Variants in DCLK1 observed in about 807,000 individuals in gnomAD.
DCLK1 encodes the protein serine/threonine-protein kinase DCLK1.
DCLK1 carries 16 observed loss-of-function variants against 86.2 expected under a neutral mutation model. The observed-to-expected ratio is 0.19, with a 90% confidence interval of 0.13 to 0.28. The LOEUF (loss-of-function observed/expected upper bound fraction) is 0.28, where lower values mean the gene tolerates loss of function less well. DCLK1 is among the 10% of genes least tolerant of loss of function. The pLI is 1.00. For missense variants in DCLK1, 590 were observed against 940.2 expected (o/e 0.63, Z 4.87); for synonymous variants, 369 against 370.5 (o/e 1.00, Z 0.05).
chr13:35,907,470 C>T (rs1874752027), intron 4 of DCLK1, among the ~76,000 whole-genome samples: 1 of 152,156 alleles, frequency 6.6e-6, no homozygotes, highest in South Asian at 2.1e-4. Flanking sequence ...GCCCACATTT[C>T]TCTTTATAAT....
At chr13:35,992,280 T>C (rs1358205410) in intron 3 of DCLK1, among the ~76,000 whole-genome samples, 1 of 152,198 alleles carries the variant, frequency 6.6e-6, no homozygotes, top group Non-Finnish European at 1.5e-5. Flanking sequence ...TGGGAAAACA[T>C]GCAAGGATTT....
chr13:35,909,455 T>G (rs1243154921), intron 4 of DCLK1, among the ~76,000 whole-genome samples: 1 of 152,192 alleles, frequency 6.6e-6, no homozygotes, highest in African/African-American at 2.4e-5. Context: ...ACTTTGCCTC[T>G]CTAAGACTTC....
chr13:36,000,528 A>T (rs2153145722), intron 3 of DCLK1, among the ~76,000 whole-genome samples: 1 of 152,040 alleles, frequency 6.6e-6, no homozygotes, highest in South Asian at 2.1e-4. Context: ...ATCTAAAATA[A>T]TATTATTAAA....
At chr13:35,912,796 T>A (rs1875124933) in intron 4 of DCLK1, among the ~76,000 whole-genome samples, 1 of 152,102 alleles carries the variant, frequency 6.6e-6, no homozygotes, top group African/African-American at 2.4e-5. Context: ...TGTCCCACAC[T>A]ATGAGGCAAG....
chr13:36,100,204 AAAAAAAAAAC>A lies in DCLK1; in HGVS notation c.723+11655_723+11664del, dbSNP rs1376716214. Among the ~76,000 whole-genome samples the A allele has an allele frequency of 1.1e-3, 105 of 95,250 alleles. 5 individuals carry two copies. The highest frequency in any genetic ancestry group is 0.011 in the East Asian group (19 of 1,736). 62.5% of individuals were successfully genotyped at this position (95,250 alleles called of 152,430 possible). A position where few individuals can be genotyped will look rare whatever the true frequency, so the allele number is the denominator to read the frequency against. ...CAAAAAAAAAAAAAAAAAAAAAAAA[AAAAAAAAAAC>A]CACACACACACAAAATTAGCCAGGC... On this transcript the variant is annotated intron_variant, in intron 3 of 16. Coordinates refer to ENST00000360631, the MANE Select transcript of DCLK1 (RefSeq NM_001330071.2).
At chr13:36,131,406 CT>C, upstream of DCLK1, 2 of 194,220 alleles carry the variant, frequency 1.0e-5, no homozygotes, top group Non-Finnish European at 2.1e-5. Flanking sequence ...GGCGCGCTCC[CT>C]TTTCTTGTCT....
intron 5 of DCLK1, among the ~76,000 whole-genome samples, chr13:35,866,943 A>C (rs1318366690): frequency 6.6e-6 from 1 of 152,178 alleles, no homozygotes. Context: ...AGAGCAGTGG[A>C]GGGGCCCTGA....
At chr13:36,031,790 C>T (rs1286419929) in intron 3 of DCLK1, among the ~76,000 whole-genome samples, 3 of 152,222 alleles carry the variant, frequency 2.0e-5, no homozygotes, top group Non-Finnish European at 4.4e-5. Context: ...GCGTGGCTGT[C>T]ATGTCAGCGC....
intron 3 of DCLK1, among the ~76,000 whole-genome samples, chr13:36,025,036 C>T (rs1468696259): frequency 6.7e-6 from 1 of 150,190 alleles, no homozygotes; most frequent in African/African-American, 2.5e-5. Flanking sequence ...GGCACGATCT[C>T]GGCTCACTGC....
Position 35,906,957 on chromosome 13 carries a change from T to C in DCLK1, c.824-35617A>G, listed in dbSNP as rs568783282. 3.9e-5 allele frequency among the ~76,000 whole-genome samples: 6 copies of C among 152,248 alleles called. No homozygotes were observed. In the South Asian group the frequency reaches 6.2e-4, roughly 16 times the overall value. ...AGCATCTGCTCCAAGAATTGACTTTTCTGCAAGCCCAGCTGCTAAAATGGC... is the reference window on the plus strand; with the variant it reads ...AGCATCTGCTCCAAGAATTGACTTTCCTGCAAGCCCAGCTGCTAAAATGGC... On this transcript the variant is annotated intron_variant, in intron 4 of 16. Transcript: ENST00000360631.
intron 6 of DCLK1, chr13:35,846,906 C>T (rs1454283706): frequency 1.0e-6 from 1 of 985,262 alleles, no homozygotes; most frequent in South Asian, 4.7e-5. Flanking sequence ...AAAGAACATA[C>T]AGAATCGCCT....
intron 4 of DCLK1, among the ~76,000 whole-genome samples, chr13:35,904,712 G>A (rs1306212022): frequency 2.0e-5 from 3 of 152,186 alleles, no homozygotes; most frequent in Non-Finnish European, 4.4e-5. Context: ...TGGGCTAGCT[G>A]GTACAGTGAA....
intron 6 of DCLK1, chr13:35,847,597 G>C: frequency 1.2e-6 from 1 of 857,342 alleles, no homozygotes; most frequent in Non-Finnish European, 1.3e-6. Flanking sequence ...AATCTGACTT[G>C]CACACTTCAT....
chr13:35,887,240 A>C (rs1212256102), intron 4 of DCLK1, among the ~76,000 whole-genome samples: 1 of 152,220 alleles, frequency 6.6e-6, no homozygotes, highest in East Asian at 1.9e-4. Flanking sequence ...TTGAGTGGGC[A>C]GGGAGGTGAG....
At chr13:36,070,840 A>G (rs1398493254) in intron 3 of DCLK1, among the ~76,000 whole-genome samples, 2 of 152,120 alleles carry the variant, frequency 1.3e-5, no homozygotes, top group East Asian at 3.9e-4. Context: ...ACGGGGTTTC[A>G]CTATGTTGGC....
chr13:36,073,259 G>GC (rs1884045926), intron 3 of DCLK1, among the ~76,000 whole-genome samples: 2 of 152,234 alleles, frequency 1.3e-5, no homozygotes, highest in African/African-American at 4.8e-5. Context: ...CCTACGTCCA[G>GC]CCCCAGACAA....
intron 3 of DCLK1, among the ~76,000 whole-genome samples, chr13:35,985,747 CT>C (rs1379269492): frequency 1.3e-5 from 2 of 152,176 alleles, no homozygotes; most frequent in African/African-American, 4.8e-5. Context: ...GCCCTTTTTC[CT>C]TTGCTTTCCA....
chr13:35,849,721 C>CA (rs1209838596), intron 6 of DCLK1: 2 of 984,902 alleles, frequency 2.0e-6, no homozygotes, highest in African/African-American at 1.7e-5. Flanking sequence ...TGAAAATTTC[C>CA]AAAACACCAG....
At chr13:35,996,015 G>A (rs749482777) in intron 3 of DCLK1, among the ~76,000 whole-genome samples, 19 of 151,660 alleles carry the variant, frequency 1.3e-4, no homozygotes, top group Non-Finnish European at 2.5e-4. Flanking sequence ...TGCAATCTCC[G>A]CCTCCCAGGT....
Sources: allele counts gnomAD v4.1 joint callset (sites outside exome capture counted in the v4.1 genomes callset), GRCh38; gene constraint gnomAD v4.1.1; transcripts MANE v1.5; gene names NCBI Gene and HGNC (gene_info 2026-07-23, HGNC 2026-07-21).